Variants in SNX13 observed in about 807,000 individuals in gnomAD.
SNX13 encodes sorting nexin-13.
SNX13 carries 45 observed loss-of-function variants against 133.6 expected under a neutral mutation model. That is an observed-to-expected ratio of 0.34 (90% confidence interval 0.27 to 0.43). The LOEUF (loss-of-function observed/expected upper bound fraction) is 0.43. Among genes scored for constraint, SNX13 ranks in the 20% least tolerant of loss-of-function variants. The pLI, the probability that SNX13 is intolerant of heterozygous loss-of-function variation, is 1.00. For missense variants in SNX13, 1,032 were observed against 1,145.1 expected, an observed-to-expected ratio of 0.90 and a Z score of 1.43; for synonymous variants, 414 against 373.9, an observed-to-expected ratio of 1.11 and a Z score of -1.24.
chr7:17,845,526 T>A lies in SNX13; in HGVS notation c.1165+69A>T, dbSNP rs1394159912. 6 of 950,200 alleles carry A rather than the reference T, an allele frequency of 6.3e-6. No homozygotes were observed. The East Asian group carries it at 1.6e-4, about 26-fold the overall frequency. 58.9% of individuals were successfully genotyped at this position (950,200 alleles called of 1,614,324 possible). A position where few individuals can be genotyped will look rare whatever the true frequency, so the allele number is the denominator to read the frequency against. ...TAGTTGAGATACTAAATTTTATGTG[T>A]ATTTTACAATAAAAAATCGAAAAAG... On this transcript the variant is annotated intron_variant, in intron 12 of 25. Transcript: ENST00000428135.
chr7:17,939,121 A>C (rs186951638), intron 1 of SNX13, among the ~76,000 whole-genome samples: 4 of 152,344 alleles, frequency 2.6e-5, no homozygotes, highest in African/African-American at 7.2e-5. Flanking sequence ...AAAGTTCCTC[A>C]AAGTTAGTCA....
chr7:17,871,886 T>A (rs545516067), intron 8 of SNX13, among the ~76,000 whole-genome samples: 1 of 152,178 alleles, frequency 6.6e-6, no homozygotes, highest in Non-Finnish European at 1.5e-5. Flanking sequence ...CCACACTACA[T>A]GCGAACCTAT....
chr7:17,923,709 C>T (rs1393700195), intron 1 of SNX13, among the ~76,000 whole-genome samples: 3 of 152,042 alleles, frequency 2.0e-5, no homozygotes, highest in Middle Eastern at 3.2e-3. Flanking sequence ...CTAGTTTCTA[C>T]TTTTGGGAGT....
rs1783546489 is a variant in SNX13, at chr7:17,791,609, G to A, written c.*2436C>T. 1 of 151,940 alleles carries A rather than the reference G, an allele frequency of 6.6e-6. No individual in the cohort carries two copies. The highest frequency in any genetic ancestry group is 2.1e-4 in the South Asian group (1 of 4,832). 9.4% of individuals were successfully genotyped at this position (151,940 alleles called of 1,614,324 possible). ...ACACAAAGAATGATTAATTTCGAAA[G>A]TTCTTGCCTAAAGGCACCACTGACT... On this transcript the variant is annotated 3_prime_UTR_variant, in exon 26 of 26. Transcript: ENST00000428135.
intron 13 of SNX13, among the ~76,000 whole-genome samples, chr7:17,838,010 G>A (rs1165033010): frequency 6.6e-6 from 1 of 151,736 alleles, no homozygotes; most frequent in East Asian, 1.9e-4. Context: ...TAGCGAAACA[G>A]TATATAAATT....
chr7:17,929,088 T>C (rs1221396870), intron 1 of SNX13, among the ~76,000 whole-genome samples: 1 of 152,026 alleles, frequency 6.6e-6, no homozygotes, highest in Non-Finnish European at 1.5e-5. Context: ...GGCTAGGGAA[T>C]ATACCCTGAG....
At chr7:17,868,272 C>T (rs1793647471) in intron 9 of SNX13, 135 bp downstream of exon 9, 1 of 669,958 alleles carries the variant, frequency 1.5e-6, no homozygotes, top group African/African-American at 1.9e-5. Flanking sequence ...ATATTGGAAA[C>T]ACAGAGATTA....
chr7:17,819,676 C>A (rs910658171), intron 18 of SNX13, among the ~76,000 whole-genome samples: 4 of 152,096 alleles, frequency 2.6e-5, no homozygotes, highest in Admixed American at 2.6e-4. Flanking sequence ...TTACATTTTT[C>A]TTCCATTATT....
intron 20 of SNX13, among the ~76,000 whole-genome samples, chr7:17,813,671 T>G (rs1040198784): frequency 1.3e-5 from 2 of 151,732 alleles, no homozygotes; most frequent in Non-Finnish European, 2.9e-5. Flanking sequence ...ACTGAAGCCT[T>G]GGCCTCCCAG....
At chr7:17,834,232 T>C in intron 14 of SNX13, 48 bp from the exon 15 acceptor site, 1 of 1,448,300 alleles carries the variant, frequency 6.9e-7, no homozygotes, top group Non-Finnish European at 9.2e-7. Context: ...AGGTGTGTGG[T>C]GATTTTTACA....
intron 1 of SNX13, among the ~76,000 whole-genome samples, chr7:17,907,748 G>T (rs1336080374): frequency 6.6e-6 from 1 of 151,992 alleles, no homozygotes; most frequent in African/African-American, 2.4e-5. Context: ...ATTAAAGTTG[G>T]GAAAGCATAC....
chr7:17,900,684 C>T (rs575523783), intron 1 of SNX13, among the ~76,000 whole-genome samples: 1 of 151,680 alleles, frequency 6.6e-6, no homozygotes, highest in South Asian at 2.1e-4. Context: ...TGCTGCCAGG[C>T]CTGGGACTCT....
intron 9 of SNX13, among the ~76,000 whole-genome samples, chr7:17,854,999 G>C (rs1791709294): frequency 6.6e-6 from 1 of 152,010 alleles, no homozygotes; most frequent in East Asian, 1.9e-4. Flanking sequence ...TAAAAAAAAA[G>C]GTTCTTCAGG....
intron 17 of SNX13, among the ~76,000 whole-genome samples, chr7:17,823,960 A>G (rs934425709): frequency 6.6e-6 from 1 of 152,176 alleles, no homozygotes; most frequent in African/African-American, 2.4e-5. Context: ...ACAGGCTTGG[A>G]AGATCACCCA....
At chr7:17,797,087 A>G (rs1784137505) in intron 24 of SNX13, 148 bp from the exon 25 acceptor site, 1 of 649,210 alleles carries the variant, frequency 1.5e-6, no homozygotes, top group South Asian at 2.0e-5. Flanking sequence ...AATGATATTC[A>G]AGAAAGATCA....
chr7:17,866,854 T>C (rs964438689), intron 9 of SNX13, among the ~76,000 whole-genome samples: 15 of 151,982 alleles, frequency 9.9e-5, no homozygotes, highest in African/African-American at 3.6e-4. Flanking sequence ...ACCATAGGAG[T>C]GGAATTGGAA....
chr7:17,882,894 T>A, intron 5 of SNX13: 1 of 1,248,496 alleles, frequency 8.0e-7, no homozygotes, highest in Non-Finnish European at 1.1e-6. Flanking sequence ...GAGGTTGCAG[T>A]GAGCCGAGAT....
At chr7:17,846,265 T>C (rs1189682560) in intron 11 of SNX13, among the ~76,000 whole-genome samples, 2 of 151,104 alleles carry the variant, frequency 1.3e-5, no homozygotes, top group African/African-American at 4.9e-5. Context: ...AAGGGAAAAA[T>C]TGCGTCCAAA....
rs577835441 is a variant in SNX13 at position 17,791,623 on chromosome 7, G to A, written c.*2422C>T. 1.3e-5 allele frequency: 2 copies of A among 151,858 alleles called. No individual in the cohort carries two copies. Among genetic ancestry groups the A allele is most frequent in the African/African-American group, 4.8e-5 (2 of 41,364 alleles). 9.4% of individuals were successfully genotyped at this position (151,858 alleles called of 1,614,324 possible). A position where few individuals can be genotyped will look rare whatever the true frequency, so the allele number is the denominator to read the frequency against. On this transcript the variant is annotated 3_prime_UTR_variant, in exon 26 of 26. Transcript: ENST00000428135. ...TAATTTCGAAAGTTCTTGCCTAAAG[G>A]CACCACTGACTTAAAAAACATTCAA...
Sources: gnomAD v4.1 joint callset for allele counts (sites outside exome capture counted in the v4.1 genomes callset) on GRCh38, gnomAD v4.1.1 for gene constraint, MANE v1.5 for transcripts, NCBI Gene and HGNC (gene_info 2026-07-23, HGNC 2026-07-21) for gene names.